FBXL13: variants seen among roughly 807,000 people sequenced by gnomAD.
FBXL13 encodes the protein F-box and leucine rich repeat protein 13.
FBXL13 carries 67 observed loss-of-function variants against 83.6 expected under a neutral mutation model. The ratio of observed to expected loss-of-function variants is 0.80; its 90% CI spans 0.66 to 0.98. FBXL13 has a LOEUF of 0.98. Ranked by LOEUF, FBXL13 falls within the 50% of genes least tolerant of loss-of-function variation. The pLI, the probability that FBXL13 is intolerant of heterozygous loss-of-function variation, is 0.00. For missense variants in FBXL13, 822 were observed against 866.5 expected (o/e 0.95, Z 0.64); for synonymous variants, 272 against 299.5 (o/e 0.91, Z 0.95).
chr7:102,833,497 A>T (rs1484635359), intron 17 of FBXL13, among the ~76,000 whole-genome samples: 1 of 149,650 alleles, frequency 6.7e-6, no homozygotes, highest in Non-Finnish European at 1.5e-5. Context: ...CAATGGTGCA[A>T]TCTGAGCTCA....
intron 17 of FBXL13, among the ~76,000 whole-genome samples, chr7:102,833,468 G>C (rs1801100676): frequency 7.6e-6 from 1 of 132,322 alleles, no homozygotes; most frequent in Non-Finnish European, 1.6e-5. Context: ...GTCTTCCTCT[G>C]TTGCCCAGGC....
At chr7:102,969,858 AAG>A (rs1432563727) in intron 6 of FBXL13, among the ~76,000 whole-genome samples, 1 of 148,780 alleles carries the variant, frequency 6.7e-6, no homozygotes, top group Non-Finnish European at 1.5e-5. Context: ...GGGGAGGGAA[AAG>A]AAAAGAAAAG....
At chr7:102,999,651 T>C (rs1790184788) in intron 6 of FBXL13, among the ~76,000 whole-genome samples, 1 of 152,218 alleles carries the variant, frequency 6.6e-6, no homozygotes, top group Non-Finnish European at 1.5e-5. Flanking sequence ...ATAGGCTTCA[T>C]GTATCTAGGA....
intron 9 of FBXL13, among the ~76,000 whole-genome samples, chr7:102,928,644 C>G (rs1357362279): frequency 6.6e-6 from 1 of 152,172 alleles, no homozygotes; most frequent in East Asian, 1.9e-4. Flanking sequence ...TACTCAAGTA[C>G]ACAACTGAAG....
intron 1 of FBXL13, among the ~76,000 whole-genome samples, chr7:103,058,610 A>T (rs945348515): frequency 6.6e-6 from 1 of 152,134 alleles, no homozygotes; most frequent in Non-Finnish European, 1.5e-5. Context: ...TCTCCATCTT[A>T]TTCTGGCACC....
At chr7:102,833,133 C>A (rs1042649423) in intron 17 of FBXL13, among the ~76,000 whole-genome samples, 159 bp from the exon 19 acceptor site, 5 of 152,214 alleles carry the variant, frequency 3.3e-5, no homozygotes, top group Non-Finnish European at 5.9e-5. Context: ...TTACATCCAA[C>A]ATCTGTTTAT....
At chr7:103,047,616 C>T (rs1585545667) in intron 2 of FBXL13, among the ~76,000 whole-genome samples, 1 of 152,148 alleles carries the variant, frequency 6.6e-6, no homozygotes, top group Non-Finnish European at 1.5e-5. Context: ...CTGTGATATA[C>T]AATAACTTAA....
intron 18 of FBXL13, among the ~76,000 whole-genome samples, chr7:102,826,623 G>A (rs1477232451): frequency 1.3e-5 from 2 of 148,846 alleles, no homozygotes; most frequent in African/African-American, 4.9e-5. Flanking sequence ...TACTCAGGAG[G>A]CTGAGGTGGG....
intron 6 of FBXL13, among the ~76,000 whole-genome samples, chr7:103,019,137 T>G (rs1242790467): frequency 1.3e-5 from 2 of 152,210 alleles, no homozygotes; most frequent in African/African-American, 2.4e-5. Context: ...CAGACCACAG[T>G]GCAATCAAAC....
chr7:102,869,717 C>T (rs1386745426), intron 16 of FBXL13, among the ~76,000 whole-genome samples: 1 of 152,094 alleles, frequency 6.6e-6, no homozygotes, highest in Non-Finnish European at 1.5e-5. Context: ...TTCCCAGCAC[C>T]ATTTATTGAA....
chr7:102,858,120 C>CA (rs1277442227), intron 16 of FBXL13, among the ~76,000 whole-genome samples: 1 of 152,034 alleles, frequency 6.6e-6, no homozygotes, highest in Non-Finnish European at 1.5e-5. Context: ...TATTCAGCCA[C>CA]AAAAAAGAAT....
At chr7:102,974,246 C>T (rs868220242) in intron 6 of FBXL13, among the ~76,000 whole-genome samples, 4 of 152,006 alleles carry the variant, frequency 2.6e-5, no homozygotes, top group African/African-American at 4.8e-5. Context: ...AAAAATTAGC[C>T]GGGCATGGTG....
In FBXL13 at chr7:102,904,916, G is replaced by A. The variant is rs114955212; in HGVS notation, c.1008+8170C>T. Among the ~76,000 whole-genome samples the A allele has an allele frequency of 4.2e-3, 642 of 152,102 alleles. 5 individuals are homozygous for A. The highest frequency in any genetic ancestry group is 0.015 in the African/African-American group (617 of 41,512). On this transcript the variant is annotated intron_variant, in intron 11 of 19. Coordinates refer to ENST00000313221, the Ensembl canonical transcript of FBXL13. The stretch of plus-strand genomic sequence containing the variant: ...TGTTTAACTTCCACATATTTGTATC[G>A]TTTCCAAAATTCTACTTGCTATTAA...
At chr7:102,924,148 G>T (rs2129471452) in intron 10 of FBXL13, among the ~76,000 whole-genome samples, 1 of 150,422 alleles carries the variant, frequency 6.6e-6, no homozygotes, top group East Asian at 2.0e-4. Flanking sequence ...TGAGGCAGGA[G>T]AATTGCTTGA....
At chr7:102,863,521 G>T (rs1222823110) in intron 16 of FBXL13, among the ~76,000 whole-genome samples, 1 of 151,576 alleles carries the variant, frequency 6.6e-6, no homozygotes, top group Non-Finnish European at 1.5e-5. Flanking sequence ...ATTGGGGGGG[G>T]GGATGGTACT....
intron 11 of FBXL13, among the ~76,000 whole-genome samples, chr7:102,907,640 G>A (rs1813969492): frequency 6.6e-6 from 1 of 152,126 alleles, no homozygotes; most frequent in Non-Finnish European, 1.5e-5. Flanking sequence ...TCCCTACAAA[G>A]GACATGAACT....
intron 16 of FBXL13, among the ~76,000 whole-genome samples, chr7:102,870,479 C>T (rs998932599): frequency 6.6e-6 from 1 of 152,104 alleles, no homozygotes; most frequent in East Asian, 1.9e-4. Context: ...AAAATTGGCA[C>T]TATTAACTTA....
intron 8 of FBXL13, among the ~76,000 whole-genome samples, chr7:102,957,382 A>G (rs926372547): frequency 2.6e-5 from 4 of 152,212 alleles, no homozygotes; most frequent in African/African-American, 7.2e-5. Flanking sequence ...ACAAAAATTA[A>G]TTCAAGATGG....
At chr7:102,876,342 A>G (rs1257112835) in intron 16 of FBXL13, among the ~76,000 whole-genome samples, 1 of 152,186 alleles carries the variant, frequency 6.6e-6, no homozygotes, top group East Asian at 1.9e-4. Flanking sequence ...CAACATTGAG[A>G]AGACCAGACA....
Sources: gnomAD v4.1 joint callset for allele counts (sites outside exome capture counted in the v4.1 genomes callset) on GRCh38, gnomAD v4.1.1 for gene constraint, MANE v1.5 for transcripts, NCBI Gene and HGNC (gene_info 2026-07-23, HGNC 2026-07-21) for gene names.